Variants in ADGRL3 observed in about 807,000 individuals in gnomAD.
ADGRL3 encodes the protein adhesion G protein-coupled receptor L3, also known as calcium-independent alpha-latrotoxin receptor 3.
ADGRL3 carries 62 observed loss-of-function variants against 153.5 expected under a neutral mutation model. The ratio of observed to expected loss-of-function variants is 0.40; its 90% CI spans 0.33 to 0.50. The LOEUF (loss-of-function observed/expected upper bound fraction) is 0.50, where lower values mean the gene tolerates loss of function less well. Among genes scored for constraint, ADGRL3 ranks in the 20% least tolerant of loss-of-function variants. The pLI, the probability that ADGRL3 is intolerant of heterozygous loss-of-function variation, is 0.47. For missense variants in ADGRL3, 1,641 were observed against 1,859.4 expected (o/e 0.88, Z 2.16); for synonymous variants, 710 against 672.5 (o/e 1.06, Z -0.86).
At chr4:61,408,003 T>C (rs1234668183) in intron 2 of ADGRL3, among the ~76,000 whole-genome samples, 2 of 152,110 alleles carry the variant, frequency 1.3e-5, no homozygotes, top group East Asian at 3.9e-4. Flanking sequence ...TTAGTAACTC[T>C]ATATTACGTC....
chr4:61,358,693 T>A (rs1265785428), intron 1 of ADGRL3, among the ~76,000 whole-genome samples: 5 of 152,106 alleles, frequency 3.3e-5, no homozygotes, highest in African/African-American at 4.8e-5. Context: ...CCTTGTATTT[T>A]TCTGGCATCT....
chr4:61,285,076 G>C (rs2093880858), intron 1 of ADGRL3, among the ~76,000 whole-genome samples: 1 of 151,684 alleles, frequency 6.6e-6, no homozygotes, highest in African/African-American at 2.4e-5. Flanking sequence ...CATAATGAGA[G>C]AGAAACTACT....
chr4:61,879,855 G>A (rs1454812578), intron 9 of ADGRL3, among the ~76,000 whole-genome samples: 1 of 152,066 alleles, frequency 6.6e-6, no homozygotes, highest in Non-Finnish European at 1.5e-5. Flanking sequence ...GAATAGCTGG[G>A]ACTACAGACA....
intron 15 of ADGRL3, among the ~76,000 whole-genome samples, chr4:61,937,957 A>G (rs1019909130): frequency 6.6e-6 from 1 of 152,078 alleles, no homozygotes; most frequent in African/African-American, 2.4e-5. Flanking sequence ...GGGTCTTTCT[A>G]TGTTTCCCAG....
At chr4:61,984,147 G>A (rs1049903665) in intron 19 of ADGRL3, among the ~76,000 whole-genome samples, 1 of 152,142 alleles carries the variant, frequency 6.6e-6, no homozygotes, top group East Asian at 1.9e-4. Flanking sequence ...GAGATGTGAA[G>A]CATATTAGCA....
chr4:61,442,679 C>T (rs1362769077), intron 2 of ADGRL3, among the ~76,000 whole-genome samples: 1 of 151,956 alleles, frequency 6.6e-6, no homozygotes, highest in African/African-American at 2.4e-5. Flanking sequence ...ATAGTGCTAC[C>T]AATTCAGAAT....
chr4:61,745,023 A>T (rs971360502), intron 8 of ADGRL3, among the ~76,000 whole-genome samples: 4 of 152,198 alleles, frequency 2.6e-5, no homozygotes, highest in African/African-American at 9.7e-5. Context: ...TGCTTAAAGG[A>T]GCTGATGGAG....
At chr4:61,701,430 ATTT>A (rs71664995) in intron 6 of ADGRL3, among the ~76,000 whole-genome samples, 2 of 105,418 alleles carry the variant, frequency 1.9e-5, no homozygotes, top group African/African-American at 7.7e-5. Context: ...TAAAGGTACA[ATTT>A]TTTTTTTTTT....
chr4:62,026,643 CAG>C (rs1170811852), intron 21 of ADGRL3, among the ~76,000 whole-genome samples: 2 of 151,788 alleles, frequency 1.3e-5, no homozygotes, highest in African/African-American at 2.4e-5. Context: ...GAACAAAACA[CAG>C]GGGCAGGGGA....
At chr4:61,886,094 A>G (rs1182105345) in intron 9 of ADGRL3, among the ~76,000 whole-genome samples, 1 of 152,222 alleles carries the variant, frequency 6.6e-6, no homozygotes, top group Non-Finnish European at 1.5e-5. Flanking sequence ...ATATGCTTTC[A>G]TATTGCTGAT....
intron 8 of ADGRL3, among the ~76,000 whole-genome samples, chr4:61,795,832 G>T (rs1205516878): frequency 6.6e-6 from 1 of 152,038 alleles, no homozygotes; most frequent in African/African-American, 2.4e-5. Flanking sequence ...TGCATACCTT[G>T]CCTCATATCC....
chr4:61,372,351 C>A lies in ADGRL3; in HGVS notation c.-239-10773C>A, dbSNP rs2096543854. Reference sequence around the variant, plus strand: ...TTTTTCTGTTCTGTTTTTTCCCCATCTTTGTGGTTTTATCTACTTTTGGTC... The same window carrying A: ...TTTTTCTGTTCTGTTTTTTCCCCATATTTGTGGTTTTATCTACTTTTGGTC... On this transcript the variant is annotated intron_variant, in intron 1 of 26. Transcript: ENST00000683033. Among the ~76,000 whole-genome samples the A allele has an allele frequency of 3.9e-5, 6 of 152,152 alleles. No homozygotes were observed. In the South Asian group the frequency reaches 1.0e-3, roughly 26 times the overall value.
intron 5 of ADGRL3, among the ~76,000 whole-genome samples, chr4:61,606,564 A>G (rs2099033180): frequency 6.6e-6 from 1 of 152,190 alleles, no homozygotes. Flanking sequence ...TAAGGACATC[A>G]GTCCTATTGG....
chr4:61,991,870 A>G (rs902544782), intron 19 of ADGRL3, among the ~76,000 whole-genome samples: 3 of 148,202 alleles, frequency 2.0e-5, no homozygotes, highest in Non-Finnish European at 4.5e-5. Flanking sequence ...TGCCATATAT[A>G]TATAAATATA....
At chr4:61,368,770 G>C (rs937305616) in intron 1 of ADGRL3, among the ~76,000 whole-genome samples, 49 of 152,206 alleles carry the variant, frequency 3.2e-4, no homozygotes, top group African/African-American at 1.2e-3. Flanking sequence ...GTGAAGAAAG[G>C]CATTGGTAGC....
At chr4:61,368,055 C>G (rs1017660469) in intron 1 of ADGRL3, among the ~76,000 whole-genome samples, 18 of 151,308 alleles carry the variant, frequency 1.2e-4, no homozygotes, top group Admixed American at 5.9e-4. Context: ...AGTGTCTGTT[C>G]ATGTCCTTCG....
intron 2 of ADGRL3, among the ~76,000 whole-genome samples, chr4:61,412,028 C>T (rs1394382467): frequency 6.6e-6 from 1 of 152,142 alleles, no homozygotes; most frequent in African/African-American, 2.4e-5. Context: ...ATTGCTCACA[C>T]CTCTACTTCA....
chr4:61,923,079 G>C (rs958444105), intron 13 of ADGRL3, among the ~76,000 whole-genome samples: 1 of 152,168 alleles, frequency 6.6e-6, no homozygotes, highest in Non-Finnish European at 1.5e-5. Context: ...ATGGTCAAGT[G>C]ACAAGTGGTT....
At chr4:61,240,893 A>T (rs887910357) in intron 1 of ADGRL3, among the ~76,000 whole-genome samples, 6 of 152,050 alleles carry the variant, frequency 3.9e-5, no homozygotes, top group African/African-American at 1.4e-4. Flanking sequence ...GTTGAATGAA[A>T]TAATGAAAGA....
Sources: gnomAD v4.1 joint callset for allele counts (sites outside exome capture counted in the v4.1 genomes callset) on GRCh38, gnomAD v4.1.1 for gene constraint, MANE v1.5 for transcripts, NCBI Gene and HGNC (gene_info 2026-07-23, HGNC 2026-07-21) for gene names.